The following GNAT3 variants were observed in gnomAD, a reference collection of about 807,000 sequenced individuals.
The protein encoded by GNAT3 is G protein subunit alpha transducin 3, also known as guanine nucleotide-binding protein G(t) subunit alpha-3.
In GNAT3, 31 loss-of-function variants were observed where a neutral mutation model predicts 37.7. The ratio of observed to expected loss-of-function variants is 0.82; its 90% CI spans 0.62 to 1.11. The LOEUF is 1.11. Among genes scored for constraint, GNAT3 ranks in the 50% most tolerant of loss-of-function variants. The pLI is 0.00. For missense variants in GNAT3, 437 were observed against 412.5 expected (o/e 1.06, Z -0.51); for synonymous variants, 138 against 139.8 (o/e 0.99, Z 0.09).
intron 7 of GNAT3, 43 bp from the exon 8 acceptor site, chr7:80,458,904 G>T: frequency 7.7e-7 from 1 of 1,300,468 alleles, no homozygotes; most frequent in Non-Finnish European, 1.1e-6. Flanking sequence ...TTAATCATAT[G>T]TTACAAAGAA....
intron 5 of GNAT3, among the ~76,000 whole-genome samples, chr7:80,470,994 C>T (rs991249589): frequency 3.3e-5 from 5 of 149,940 alleles, no homozygotes; most frequent in Admixed American, 3.3e-4. Flanking sequence ...CACCCTTAAT[C>T]TGGGTGGGCA....
At chr7:80,464,317 G>A in intron 5 of GNAT3, among the ~76,000 whole-genome samples, 1 of 152,048 alleles carries the variant, frequency 6.6e-6, no homozygotes, top group East Asian at 1.9e-4. Flanking sequence ...AACCTAAGGA[G>A]ATGAGGGGTT....
At position 80,484,699 on chromosome 7, in the gene GNAT3, T is replaced by C. The variant is rs74724131; in HGVS notation, c.303+3836A>G. On this transcript the variant is annotated intron_variant, in intron 3 of 7. Transcript: ENST00000398291. ...CTTCAGGATATGAAGGTTTGTTACATAGGTAACAAAAAAAGAGGGTTTGTT... is the reference window on the plus strand; with the variant it reads ...CTTCAGGATATGAAGGTTTGTTACACAGGTAACAAAAAAAGAGGGTTTGTT... Among the ~76,000 whole-genome samples the C allele has an allele frequency of 7.1e-3, 1,085 of 152,094 alleles. 12 individuals carry two copies. The highest frequency in any genetic ancestry group is 0.025 in the African/African-American group (1,037 of 41,534).
At chr7:80,466,815 A>C (rs563283879) in intron 5 of GNAT3, among the ~76,000 whole-genome samples, 1 of 152,270 alleles carries the variant, frequency 6.6e-6, no homozygotes, top group Admixed American at 6.5e-5. Flanking sequence ...GCTTCTTTGC[A>C]GCCTACTAAT....
intron 7 of GNAT3, among the ~76,000 whole-genome samples, 181 bp downstream of exon 7, chr7:80,461,978 T>C (rs1790057848): frequency 1.3e-5 from 2 of 152,222 alleles, no homozygotes; most frequent in African/African-American, 4.8e-5. Context: ...TGCTTTAATG[T>C]ACACAATGTA....
chr7:80,508,774 T>G (rs1217438742), intron 1 of GNAT3, among the ~76,000 whole-genome samples: 1 of 152,088 alleles, frequency 6.6e-6, no homozygotes, highest in Non-Finnish European at 1.5e-5. Context: ...TCAGATTCAG[T>G]GAAATCTTGT....
At position 80,469,755 on chromosome 7, in the gene GNAT3, A is replaced by T. The variant is rs574400998; in HGVS notation, c.590+4496T>A. On this transcript the variant is annotated intron_variant, in intron 5 of 7. Coordinates refer to ENST00000398291, the MANE Select transcript of GNAT3 (RefSeq NM_001102386.3). ...AACACCTGGGCACTTGCTGAAAAAA[A>T]GTTGGAAGGTACATTATTTTTATAC... 3.9e-5 allele frequency among the ~76,000 whole-genome samples: 6 copies of T among 152,284 alleles called. No individual in the cohort carries two copies. The South Asian group carries it at 1.2e-3, about 32-fold the overall frequency.
intron 3 of GNAT3, among the ~76,000 whole-genome samples, chr7:80,482,227 T>C (rs984160759): frequency 3.0e-4 from 45 of 152,284 alleles, no homozygotes; most frequent in African/African-American, 9.9e-4. Context: ...TAAAACCCCA[T>C]TTCTCTGTTA....
At chr7:80,473,425 G>T (rs1392251723) in intron 5 of GNAT3, among the ~76,000 whole-genome samples, 1 of 151,838 alleles carries the variant, frequency 6.6e-6, no homozygotes, top group South Asian at 2.1e-4. Flanking sequence ...TTTTCCTCAC[G>T]AATGGATATG....
chr7:80,506,173 T>C (rs1177745950), intron 1 of GNAT3, among the ~76,000 whole-genome samples: 1 of 152,206 alleles, frequency 6.6e-6, no homozygotes, highest in Admixed American at 6.5e-5. Flanking sequence ...TAATTCATGC[T>C]CGAATGAAAA....
At chr7:80,473,519 T>C (rs1356197029) in intron 5 of GNAT3, among the ~76,000 whole-genome samples, 3 of 152,272 alleles carry the variant, frequency 2.0e-5, no homozygotes, top group African/African-American at 4.8e-5. Context: ...TTATTAGTTA[T>C]ATTTTTATTG....
chr7:80,470,067 G>C (rs1405357624), intron 5 of GNAT3, among the ~76,000 whole-genome samples: 3 of 152,032 alleles, frequency 2.0e-5, no homozygotes, highest in Non-Finnish European at 4.4e-5. Context: ...GGAGTAAGGA[G>C]GTACTGTATC....
chr7:80,503,359 C>T (rs1186169808), intron 1 of GNAT3, among the ~76,000 whole-genome samples: 3 of 152,136 alleles, frequency 2.0e-5, no homozygotes, highest in African/African-American at 2.4e-5. Flanking sequence ...AGAATGCAGA[C>T]ATTAACTTAA....
chr7:80,504,388 T>G (rs1186372960), intron 1 of GNAT3, among the ~76,000 whole-genome samples: 1 of 152,220 alleles, frequency 6.6e-6, no homozygotes, highest in African/African-American at 2.4e-5. Flanking sequence ...GAGGGATAAC[T>G]TTTTACTAGA....
chr7:80,490,152 T>C (rs992572609), intron 2 of GNAT3, among the ~76,000 whole-genome samples: 4 of 152,150 alleles, frequency 2.6e-5, no homozygotes, highest in Non-Finnish European at 4.4e-5. Context: ...AAGAAATACA[T>C]TATACAAGTC....
rs767497845 is a variant in GNAT3, at chr7:80,462,599, C to T, written c.623G>A (p.Arg208Lys). Residue 208 changes from arginine to lysine, a missense_variant, in exon 6 of 8, where the codon AGA becomes AAA. Arg to Lys is a conservative substitution (Grantham distance 26). Coordinates refer to ENST00000398291, the MANE Select transcript of GNAT3 (RefSeq NM_001102386.3). ...TTCAAAGCAGTGAATCCACTTCTTT[C>T]TCTCAGATCTCTGTCCACCTACATC... ...MFDVGGQRSE[R>K]KKWIHCFEGV... The T allele has an allele frequency of 1.2e-6, 2 of 1,611,202 alleles. No individual in the cohort carries two copies. Among genetic ancestry groups the T allele is most frequent in the African/African-American group, 1.3e-5 (1 of 74,838 alleles).
chr7:80,486,480 C>G (rs1024431725), intron 3 of GNAT3: 2 of 151,068 alleles, frequency 1.3e-5, no homozygotes, highest in African/African-American at 4.9e-5. Flanking sequence ...GGGTCTTGCT[C>G]TGTTGCCCAG....
chr7:80,463,258 A>G (rs1421177074), intron 5 of GNAT3, among the ~76,000 whole-genome samples: 2 of 152,166 alleles, frequency 1.3e-5, no homozygotes, highest in East Asian at 3.9e-4. Context: ...AGTTAGCCTG[A>G]GGGATCATGA....
intron 4 of GNAT3, 54 bp downstream of exon 4, chr7:80,478,787 A>G (rs1250374255): frequency 1.3e-6 from 2 of 1,545,330 alleles, no homozygotes; most frequent in East Asian, 4.6e-5. Flanking sequence ...CAGAATTATA[A>G]TTCTTAATTT....
Sources: allele counts gnomAD v4.1 joint callset (sites outside exome capture counted in the v4.1 genomes callset), GRCh38; gene constraint gnomAD v4.1.1; transcripts MANE v1.5; gene names NCBI Gene and HGNC (gene_info 2026-07-23, HGNC 2026-07-21).